C4BPA: variants seen among roughly 807,000 people sequenced by gnomAD.
C4BPA encodes the protein complement component 4 binding protein alpha.
A neutral mutation model predicts 63.7 loss-of-function variants in C4BPA; 31 were observed. The observed-to-expected ratio is 0.49, with a 90% confidence interval of 0.37 to 0.66. The LOEUF (loss-of-function observed/expected upper bound fraction) is 0.66, where lower values mean the gene tolerates loss of function less well. Among genes scored for constraint, C4BPA ranks in the 30% least tolerant of loss-of-function variants. C4BPA has a pLI of 0.00. For synonymous variants in C4BPA, 259 were observed against 254.7 expected (o/e 1.02, Z -0.16); for missense variants, 572 against 723.3 (o/e 0.79, Z 2.40).
intron 4 of C4BPA, among the ~76,000 whole-genome samples, chr1:207,116,150 G>A (rs1046165725): frequency 6.6e-6 from 1 of 152,184 alleles, no homozygotes; most frequent in Non-Finnish European, 1.5e-5. Context: ...GTATGTAAAT[G>A]TCTGTCTCTC....
chr1:207,144,824 T>C lies in C4BPA; in HGVS notation c.*107T>C, dbSNP rs371717402. On this transcript the variant is annotated 3_prime_UTR_variant, in exon 12 of 12. Coordinates refer to ENST00000367070, the MANE Select transcript of C4BPA (RefSeq NM_000715.4). ...GTCAATTTGGCAGTGATATTCATCA[T>C]AATAAATATCTAGAAATGATAATTT... 7.8e-5 allele frequency: 45 copies of C among 575,134 alleles called. 1 individual carries two copies. The East Asian group carries it at 1.0e-3, about 13-fold the overall frequency. The allele number at this position is 575,134 out of a possible 1,614,324, so 35.6% of individuals were successfully genotyped here.
At chr1:207,138,222 C>T (rs1207833597) in intron 9 of C4BPA, among the ~76,000 whole-genome samples, 1 of 152,218 alleles carries the variant, frequency 6.6e-6, no homozygotes, top group Non-Finnish European at 1.5e-5. Flanking sequence ...GCACTCCTGC[C>T]ATAGTGGCTG....
intron 8 of C4BPA, among the ~76,000 whole-genome samples, chr1:207,132,855 C>G (rs535732858): frequency 6.6e-6 from 1 of 152,032 alleles, no homozygotes; most frequent in East Asian, 1.9e-4. Context: ...AGACCCTTGT[C>G]TCTACAAATA....
chr1:207,110,144 T>C (rs1226166056), intron 1 of C4BPA, among the ~76,000 whole-genome samples: 2 of 152,234 alleles, frequency 1.3e-5, no homozygotes, highest in Non-Finnish European at 2.9e-5. Context: ...AGATGTGAGT[T>C]ACAGACCAAG....
intron 1 of C4BPA, among the ~76,000 whole-genome samples, chr1:207,107,361 A>C (rs1009494960): frequency 1.2e-4 from 19 of 152,206 alleles, no homozygotes; most frequent in African/African-American, 4.3e-4. Flanking sequence ...CAGCTTGAGC[A>C]ACATAGTGAG....
chr1:207,133,382 C>T (rs1192570350), intron 8 of C4BPA, among the ~76,000 whole-genome samples: 3 of 152,176 alleles, frequency 2.0e-5, no homozygotes, highest in African/African-American at 7.2e-5. Flanking sequence ...TTTTCTCTTA[C>T]ATCAGACAAT....
At chr1:207,109,595 G>C (rs1415693005) in intron 1 of C4BPA, among the ~76,000 whole-genome samples, 1 of 152,198 alleles carries the variant, frequency 6.6e-6, no homozygotes, top group Admixed American at 6.5e-5. Flanking sequence ...CCATGCCCAA[G>C]GTCTTGGCCA....
chr1:207,126,352 A>T (rs1212861555), intron 6 of C4BPA, among the ~76,000 whole-genome samples: 1 of 148,142 alleles, frequency 6.8e-6, no homozygotes, highest in Non-Finnish European at 1.5e-5. Context: ...TATAGAATAT[A>T]TAAAATATAT....
chr1:207,118,904 T>C (rs1338437965), intron 4 of C4BPA, among the ~76,000 whole-genome samples: 3 of 151,912 alleles, frequency 2.0e-5, no homozygotes, highest in Admixed American at 6.6e-5. Flanking sequence ...TGACTTGACA[T>C]AGGTGTGGGA....
At chr1:207,130,000 C>T (rs936197054) in intron 7 of C4BPA, among the ~76,000 whole-genome samples, 2 of 151,962 alleles carry the variant, frequency 1.3e-5, no homozygotes, top group African/African-American at 4.8e-5. Flanking sequence ...TATTGCATTT[C>T]TGTATGTTAT....
chr1:207,124,473 T>A, intron 6 of C4BPA, 107 bp downstream of exon 6: 1 of 783,268 alleles, frequency 1.3e-6, no homozygotes, highest in African/African-American at 1.7e-5. Context: ...AAAGATAAAC[T>A]AACTATCGCT....
chr1:207,131,653 C>T lies in C4BPA; in HGVS notation c.997C>T (p.His333Tyr). ...VVGTVLRYRC[H>Y]PGYKPTTDEP... ...TGGGACTGTGTTAAGGTACCGCTGT[C>T]ATCCTGGCTACAAACCCACTACAGA... The change falls in exon 8 of 12, where the codon CAT becomes TAT. Residue 333 changes from histidine to tyrosine, a missense_variant. By Grantham distance (83) the His-to-Tyr change is moderately conservative (BLOSUM62 2). Around this residue, in one of 2 missense-constraint regions of C4BPA, gnomAD observed 465 missense variants for 629.4 expected, o/e 0.74. Coordinates refer to ENST00000367070, the MANE Select transcript of C4BPA (RefSeq NM_000715.4). The T allele has an allele frequency of 2.5e-6, 4 of 1,613,918 alleles. No individual in the cohort carries two copies. Among genetic ancestry groups the T allele is most frequent in the Non-Finnish European group, 3.4e-6 (4 of 1,179,860 alleles).
chr1:207,138,678 G>A (rs906006843), intron 9 of C4BPA, among the ~76,000 whole-genome samples: 3 of 152,152 alleles, frequency 2.0e-5, no homozygotes, highest in Non-Finnish European at 2.9e-5. Flanking sequence ...CATGGGCCCC[G>A]CTCAAACCTG....
At chr1:207,141,386 A>T in intron 10 of C4BPA, 110 bp downstream of exon 10, 1 of 814,924 alleles carries the variant, frequency 1.2e-6, no homozygotes, top group Non-Finnish European at 1.9e-6. Context: ...ATTTGATTTG[A>T]TTTATATTAA....
intron 11 of C4BPA, among the ~76,000 whole-genome samples, chr1:207,144,337 C>T (rs1685485044): frequency 6.6e-6 from 1 of 152,114 alleles, no homozygotes; most frequent in South Asian, 2.1e-4. Flanking sequence ...ACCATGGGGG[C>T]CTTCTGGACA....
chr1:207,128,110 G>A (rs976914223), intron 7 of C4BPA, among the ~76,000 whole-genome samples: 3 of 152,102 alleles, frequency 2.0e-5, no homozygotes, highest in Admixed American at 6.5e-5. Context: ...TATGTTGCAC[G>A]AGAACTATTC....
At chr1:207,122,657 T>G (rs889711026) in intron 4 of C4BPA, among the ~76,000 whole-genome samples, 2 of 152,184 alleles carry the variant, frequency 1.3e-5, no homozygotes, top group African/African-American at 4.8e-5. Context: ...CACTGCAGCC[T>G]CAACTTCCTG....
chr1:207,141,818 A>C (rs17021508), intron 10 of C4BPA, among the ~76,000 whole-genome samples: 26,283 of 152,076 alleles, frequency 0.17, 6,363 homozygotes, highest in African/African-American at 0.55. Context: ...TTTTTACATG[A>C]ATAGAAGTTT....
At chr1:207,133,628 TG>T (rs1272914860) in intron 8 of C4BPA, among the ~76,000 whole-genome samples, 1 of 152,136 alleles carries the variant, frequency 6.6e-6, no homozygotes, top group Non-Finnish European at 1.5e-5. Flanking sequence ...GTGGGTGTGG[TG>T]GCACACACCT....
Sources: gnomAD v4.1 joint callset for allele counts (sites outside exome capture counted in the v4.1 genomes callset) on GRCh38, gnomAD v4.1.1 for gene constraint, gnomAD v4.1.1 regional missense constraint, MANE v1.5 for transcripts, NCBI Gene and HGNC (gene_info 2026-07-23, HGNC 2026-07-21) for gene names.